The following CIROP variants were observed in gnomAD, a reference collection of about 807,000 sequenced individuals.
CIROP encodes the protein ciliated left-right organizer metallopeptidase, also known as leishmanolysin homolog.
At chr14:23,101,839 C>T in the CIROP span, 1 of 702,876 alleles carries the variant, frequency 1.4e-6, no homozygotes, top group Non-Finnish European at 2.6e-6. Context: ...TCAGCACACA[C>T]ACCTGCCAGT....
At chr14:23,103,287 G>A in the CIROP span, 1,426 of 394,952 alleles carry the variant, frequency 3.6e-3, 16 homozygotes, top group African/African-American at 0.024. Flanking sequence ...GGTGGCTCAC[G>A]CCTGTAATCC....
chr14:23,102,922 T>G, the CIROP span: 1 of 601,106 alleles, frequency 1.7e-6, no homozygotes, highest in Non-Finnish European at 3.0e-6. Flanking sequence ...CATGCAGCAG[T>G]CACCATGACG....
At chr14:23,104,165 C>A in the CIROP span, 1 of 592,278 alleles carries the variant, frequency 1.7e-6, no homozygotes, top group Non-Finnish European at 3.0e-6. Context: ...TCTGGTTTTC[C>A]TCTCTTTACT....
chr14:23,102,881 C>A, the CIROP span: 1 of 611,040 alleles, frequency 1.6e-6, no homozygotes, highest in Non-Finnish European at 2.9e-6. Flanking sequence ...TGGCCCCCTA[C>A]CCTGCAACCT....
chr14:23,103,862 G>A, the CIROP span: 1 of 688,608 alleles, frequency 1.5e-6, no homozygotes, highest in Admixed American at 2.1e-5. Context: ...GGCTGGAACA[G>A]TAGGAAATTG....
chr14:23,104,747 A>G, the CIROP span: 8 of 702,868 alleles, frequency 1.1e-5, no homozygotes, highest in African/African-American at 3.5e-5. Flanking sequence ...GGGGTTGAGG[A>G]TCACGGGAGC....
At chr14:23,101,457 C>T in the CIROP span, 1 of 606,362 alleles carries the variant, frequency 1.6e-6, no homozygotes, top group East Asian at 2.7e-5. Context: ...CAGGGAGCAG[C>T]TGTGAAGTGA....
chr14:23,101,523 C>T, the CIROP span: 1 of 639,294 alleles, frequency 1.6e-6, no homozygotes, highest in South Asian at 1.8e-5. Flanking sequence ...GGGGATTATC[C>T]ACCCCAGCAG....
At chr14:23,103,071 G>C in the CIROP span, 1 of 493,526 alleles carries the variant, frequency 2.0e-6, no homozygotes. Flanking sequence ...GGCCAGGACA[G>C]GGTAGGGCCA....
chr14:23,102,196 C>T, the CIROP span: 1 of 702,854 alleles, frequency 1.4e-6, no homozygotes, highest in Non-Finnish European at 2.6e-6. Flanking sequence ...GCGCTGGGCT[C>T]CATCAAAGGT....
chr14:23,102,832 C>T, the CIROP span: 1 of 647,668 alleles, frequency 1.5e-6, no homozygotes, highest in Non-Finnish European at 2.8e-6. Flanking sequence ...CTATTCCATC[C>T]TCTGTGGGTT....
At chr14:23,099,155 A>G in the CIROP span, 21 of 411,810 alleles carry the variant, frequency 5.1e-5, no homozygotes, top group East Asian at 5.7e-4. Context: ...AGGCTATATA[A>G]TATTGACAAC....
At chr14:23,099,286 A>G in the CIROP span, 2 of 413,348 alleles carry the variant, frequency 4.8e-6, no homozygotes, top group East Asian at 7.1e-5. Flanking sequence ...GCAACATCAC[A>G]CCTCCCTTAT....
the CIROP span, chr14:23,101,546 C>T: frequency 9.7e-5 from 64 of 660,658 alleles, no homozygotes; most frequent in African/African-American, 9.8e-4. Context: ...AATCCGTTTT[C>T]CTTCTTCCAG....
chr14:23,102,207 A>G, the CIROP span: 7 of 703,026 alleles, frequency 1.0e-5, no homozygotes, highest in South Asian at 1.5e-5. Context: ...CATCAAAGGT[A>G]GCAGTCATTA....
At chr14:23,104,860 T>G in the CIROP span, 2 of 700,022 alleles carry the variant, frequency 2.9e-6, no homozygotes, top group Non-Finnish European at 5.2e-6. Context: ...AGACATCGGC[T>G]TGCAGCAACC....
chr14:23,101,710 T>C, the CIROP span: 1 of 702,982 alleles, frequency 1.4e-6, no homozygotes, highest in South Asian at 1.5e-5. Flanking sequence ...CCTTCCAGCA[T>C]GGGGTCTGAG....
At chr14:23,100,722 T>C in the CIROP span, 1 of 398,838 alleles carries the variant, frequency 2.5e-6, no homozygotes, top group Non-Finnish European at 4.4e-6. Flanking sequence ...ATATAGTTCC[T>C]GGCAGAGTAT....
the CIROP span, chr14:23,104,354 A>G: frequency 1.4e-6 from 1 of 702,016 alleles, no homozygotes; most frequent in Non-Finnish European, 2.6e-6. Flanking sequence ...CTGAAAAAGA[A>G]TTACATACAT....
Sources: gnomAD v4.1 joint callset for allele counts on GRCh38, gnomAD v4.1.1 for gene constraint, MANE v1.5 for transcripts, NCBI Gene and HGNC (gene_info 2026-07-23, HGNC 2026-07-21) for gene names.